The following CPEB1 variants were observed in gnomAD, a reference collection of about 807,000 sequenced individuals.
The protein encoded by CPEB1 is cytoplasmic polyadenylation element binding protein 1.
Under a neutral mutation model 65.8 loss-of-function variants are expected in CPEB1, and 7 were observed. The observed-to-expected ratio is 0.11, with a 90% CI of 0.06 to 0.20. The LOEUF is 0.20. Among genes scored for constraint, CPEB1 ranks in the 10% least tolerant of loss-of-function variants. The probability of loss-of-function intolerance (pLI) is 1.00; values close to 1 mark genes in which losing one functional copy is unlikely to be tolerated. For synonymous variants in CPEB1, 262 were observed against 260.0 expected, an observed-to-expected ratio of 1.01 and a Z score of -0.08; for missense variants, 551 against 712.2, an observed-to-expected ratio of 0.77 and a Z score of 2.58.
chr15:82,591,625 T>A (rs1470178053), intron 3 of CPEB1, among the ~76,000 whole-genome samples: 1 of 152,154 alleles, frequency 6.6e-6, no homozygotes, highest in East Asian at 1.9e-4. Context: ...GTTGTCCACA[T>A]GTATGTCTTC....
At chr15:82,648,197 C>T (rs993544174), upstream of CPEB1, 4 of 302,152 alleles carry the variant, frequency 1.3e-5, no homozygotes, top group Non-Finnish European at 2.4e-5. Flanking sequence ...GGGCCAGAGA[C>T]CTAAGCCTGA....
chr15:82,604,809 C>T (rs190612642), intron 3 of CPEB1, among the ~76,000 whole-genome samples: 194 of 151,832 alleles, frequency 1.3e-3, no homozygotes, highest in Non-Finnish European at 2.3e-3. Context: ...ATTAGAAGTC[C>T]CAAAGCAGAT....
chr15:82,609,621 A>C (rs77621600), intron 3 of CPEB1, among the ~76,000 whole-genome samples: 11,031 of 151,966 alleles, frequency 0.073, 659 homozygotes, highest in African/African-American at 0.16. Flanking sequence ...AAGTCGAAAT[A>C]ATGTCTAGAA....
intron 3 of CPEB1, among the ~76,000 whole-genome samples, chr15:82,574,432 T>C (rs781625965): frequency 5.3e-5 from 8 of 152,076 alleles, no homozygotes; most frequent in Admixed American, 1.3e-4. Flanking sequence ...AAGAAAATAT[T>C]TGAGGCCAGG....
At chr15:82,590,417 C>T (rs1319703499) in intron 3 of CPEB1, among the ~76,000 whole-genome samples, 11 of 152,036 alleles carry the variant, frequency 7.2e-5, no homozygotes, top group Admixed American at 7.2e-4. Context: ...TCCATCATCC[C>T]CAAAAGAAAC....
chr15:82,566,509 A>T (rs2039146461), intron 4 of CPEB1, among the ~76,000 whole-genome samples: 1 of 152,138 alleles, frequency 6.6e-6, no homozygotes, highest in South Asian at 2.1e-4. Context: ...CTGCAACTCT[A>T]TACCATATCT....
chr15:82,552,068 G>A (rs1330274196), intron 9 of CPEB1, among the ~76,000 whole-genome samples: 1 of 152,198 alleles, frequency 6.6e-6, no homozygotes, highest in Non-Finnish European at 1.5e-5. Context: ...CAGACTGGGA[G>A]GTCACAAGGC....
At chr15:82,619,603 T>C (rs1289200863) in intron 3 of CPEB1, among the ~76,000 whole-genome samples, 2 of 152,012 alleles carry the variant, frequency 1.3e-5, no homozygotes, top group Non-Finnish European at 2.9e-5. Flanking sequence ...AAAAGGTAGA[T>C]AACCCTAAGA....
intron 3 of CPEB1, chr15:82,571,735 C>T (rs2040060150): frequency 2.8e-6 from 4 of 1,420,874 alleles, no homozygotes; most frequent in South Asian, 3.1e-5. Flanking sequence ...TCCCCTCACA[C>T]ACACACCCCT....
intron 3 of CPEB1, among the ~76,000 whole-genome samples, chr15:82,610,981 A>AAAAAAAAAAG (rs1567220262): frequency 2.6e-4 from 35 of 135,180 alleles, no homozygotes; most frequent in Non-Finnish European, 4.2e-4. Flanking sequence ...AAAAAAAAAA[A>AAAAAAAAAAG]AAAAAAAGAA....
At chr15:82,555,472 G>A (rs138426714) in intron 6 of CPEB1, among the ~76,000 whole-genome samples, 346 of 152,336 alleles carry the variant, frequency 2.3e-3, no homozygotes, top group African/African-American at 8.0e-3. Flanking sequence ...GTGTCTGATG[G>A]TCTTTGAATT....
rs759711264 is a variant in CPEB1, at chr15:82,627,376, A to AG, written c.97-10dup. On this transcript the variant is annotated splice_polypyrimidine_tract_variant and intron_variant, in intron 2 of 12. Transcript: ENST00000684509. ...CTTCCTGCTTCTTCTTCCTAGACAC[A>AG]GAAAAAAAAAGATATTTAGGTTTTC... is the stretch of plus-strand genomic sequence containing the variant. 19 of 1,597,238 alleles carry AG rather than the reference A, an allele frequency of 1.2e-5. No homozygotes were observed. The highest frequency in any genetic ancestry group is 4.1e-5 in the African/African-American group (3 of 73,974).
intron 3 of CPEB1, among the ~76,000 whole-genome samples, chr15:82,618,433 C>T (rs148198118): frequency 4.6e-5 from 7 of 152,142 alleles, no homozygotes; most frequent in African/African-American, 1.7e-4. Context: ...ATTCTTCAAA[C>T]AAGATCAGCA....
chr15:82,622,117 A>G (rs1359609851), intron 3 of CPEB1, among the ~76,000 whole-genome samples: 2 of 152,116 alleles, frequency 1.3e-5, no homozygotes, highest in Non-Finnish European at 2.9e-5. Flanking sequence ...CATTCCTCAC[A>G]GATTCCAAAA....
chr15:82,547,242 G>GAC lies in CPEB1; in HGVS notation c.1481-7_1481-6dup, dbSNP rs1218960671. The stretch of plus-strand genomic sequence containing the variant: ...TGAAAGTCACACGACCAGAACCTAG[G>GAC]ACAACAGACACAAGCTTCCCTTCTA... On this transcript the variant is annotated splice_polypyrimidine_tract_variant and splice_region_variant and intron_variant, in intron 10 of 12. Coordinates refer to ENST00000684509, the MANE Select transcript of CPEB1 (RefSeq NM_001365242.1). 6.4e-7 allele frequency: 1 copy of GAC among 1,563,142 alleles called. No individual in the cohort carries two copies. Among genetic ancestry groups the GAC allele is most frequent in the Admixed American group, 1.7e-5 (1 of 59,164 alleles).
chr15:82,627,307 T>C lies in CPEB1; in HGVS notation c.157A>G (p.Thr53Ala), dbSNP rs376164471. Residue 53 changes from threonine (T) to alanine (A), a missense_variant, in exon 3 of 13, where the codon ACG becomes GCG. By Grantham distance (58) the Thr-to-Ala change is moderately conservative (BLOSUM62 0). This residue lies in a region of CPEB1 where 223 missense variants were observed against 228.6 expected (regional missense o/e 0.98). Transcript: ENST00000684509. ...CGAAAGATATTGGCATTACTACACG[T>C]GGAGAGAGCAGGTGCTTCCTGGTTG... Reference protein sequence around the residue: ...WDNQEAPALSTCSNANIFRRI... With the variant: ...WDNQEAPALSACSNANIFRRI... 20 of 1,613,640 alleles carry C rather than the reference T, an allele frequency of 1.2e-5. No homozygotes were observed. The highest frequency in any genetic ancestry group is 1.7e-5 in the Non-Finnish European group (20 of 1,179,752).
intron 3 of CPEB1, among the ~76,000 whole-genome samples, chr15:82,577,204 A>G (rs1217986257): frequency 6.6e-6 from 1 of 152,170 alleles, no homozygotes; most frequent in African/African-American, 2.4e-5. Context: ...CTGAGGCTAT[A>G]GGCACACCAC....
At chr15:82,645,971 C>CA (rs914999007) in intron 1 of CPEB1, among the ~76,000 whole-genome samples, 1 of 152,050 alleles carries the variant, frequency 6.6e-6, no homozygotes, top group Admixed American at 6.6e-5. Flanking sequence ...TCAATGGGGA[C>CA]AAATAAAAGA....
chr15:82,587,918 G>GTTTTGT (rs150958507), intron 3 of CPEB1, among the ~76,000 whole-genome samples: 2 of 151,624 alleles, frequency 1.3e-5, no homozygotes, highest in Non-Finnish European at 2.9e-5. Context: ...ATTTTGTTTT[G>GTTTTGT]TTTTGTTTTT....
Sources: allele counts gnomAD v4.1 joint callset (sites outside exome capture counted in the v4.1 genomes callset), GRCh38; gene constraint gnomAD v4.1.1; regional missense constraint gnomAD v4.1.1; transcripts MANE v1.5; gene names NCBI Gene and HGNC (gene_info 2026-07-23, HGNC 2026-07-21).